OTOGL: variants seen among roughly 807,000 people sequenced by gnomAD.
OTOGL encodes the protein otogelin-like protein.
OTOGL carries 285 observed loss-of-function variants against 318.5 expected under a neutral mutation model. The ratio of observed to expected loss-of-function variants is 0.89; its 90% CI spans 0.81 to 0.99. The LOEUF (loss-of-function observed/expected upper bound fraction) is 0.99, where lower values mean the gene tolerates loss of function less well. Among genes scored for constraint, OTOGL ranks in the 50% least tolerant of loss-of-function variants. OTOGL has a pLI of 0.00. For missense variants in OTOGL, 2,899 were observed against 2,845.6 expected (o/e 1.02, Z -0.43); for synonymous variants, 987 against 936.5 (o/e 1.05, Z -0.99).
At chr12:80,342,377 T>G (rs916971420) in intron 44 of OTOGL, among the ~76,000 whole-genome samples, 2 of 152,164 alleles carry the variant, frequency 1.3e-5, no homozygotes, top group African/African-American at 2.4e-5. Context: ...TCGTTAGAAT[T>G]ATATCTACAG....
intron 1 of OTOGL, among the ~76,000 whole-genome samples, chr12:80,191,298 C>T (rs905881634): frequency 3.9e-5 from 6 of 152,002 alleles, no homozygotes; most frequent in East Asian, 1.9e-4. Flanking sequence ...ATTAGCCAGG[C>T]GCGGGGGTGG....
intron 26 of OTOGL, among the ~76,000 whole-genome samples, chr12:80,282,633 T>A (rs1335186345): frequency 6.6e-6 from 1 of 151,902 alleles, no homozygotes; most frequent in Admixed American, 6.6e-5. Flanking sequence ...CAAGCCTGTT[T>A]TAGCAAACAA....
At chr12:80,211,928 G>A (rs774682136) in intron 3 of OTOGL, 21 bp from the exon 4 acceptor site, 2 of 1,548,886 alleles carry the variant, frequency 1.3e-6, no homozygotes, top group South Asian at 1.2e-5. Context: ...GACTGTACAA[G>A]TTCTTTTTGT....
intron 1 of OTOGL, among the ~76,000 whole-genome samples, chr12:80,204,206 G>A (rs1445432119): frequency 1.3e-5 from 2 of 152,128 alleles, no homozygotes; most frequent in African/African-American, 2.4e-5. Context: ...TCTAAGTTAT[G>A]TTTTCATACT....
chr12:80,198,414 A>G (rs541107621), intron 1 of OTOGL, among the ~76,000 whole-genome samples: 35 of 152,156 alleles, frequency 2.3e-4, no homozygotes, highest in African/African-American at 8.4e-4. Context: ...GTGAAACCCC[A>G]TCTCTAATAA....
intron 26 of OTOGL, among the ~76,000 whole-genome samples, chr12:80,292,296 T>G (rs1424607363): frequency 1.3e-5 from 2 of 152,206 alleles, no homozygotes; most frequent in Non-Finnish European, 2.9e-5. Flanking sequence ...CAGAAATGTT[T>G]TCTTGACTTT....
chr12:80,175,007 A>G (rs1466230262), intron 1 of OTOGL, among the ~76,000 whole-genome samples: 1 of 152,208 alleles, frequency 6.6e-6, no homozygotes, highest in Non-Finnish European at 1.5e-5. Flanking sequence ...GTGTTTGCCA[A>G]TCTGAGAGGC....
chr12:80,222,159 G>A lies in OTOGL; in HGVS notation c.403G>A (p.Asp135Asn), dbSNP rs200262168. ...GGGACAGTATCATTTTGAAACATTC[G>A]ATGGCATCTACTATTACTTCCCAGG... Reference protein sequence around the residue: ...TWGQYHFETFDGIYYYFPGNC... With the variant: ...TWGQYHFETFNGIYYYFPGNC... Residue 135 changes from aspartate (D) to asparagine (N), a missense_variant, in exon 7 of 59, where the codon GAT becomes AAT. Around this residue, in one of 3 missense-constraint regions of OTOGL, gnomAD observed 2,607 missense variants for 2,524.9 expected, o/e 1.03. Transcript: ENST00000547103. 42 of 1,597,734 alleles carry A rather than the reference G, an allele frequency of 2.6e-5. No homozygotes were observed. The highest frequency in any genetic ancestry group is 3.2e-5 in the Non-Finnish European group (38 of 1,178,328).
At chr12:80,213,512 C>T (rs12308604) in intron 4 of OTOGL, among the ~76,000 whole-genome samples, 99 of 152,308 alleles carry the variant, frequency 6.5e-4, no homozygotes, top group African/African-American at 2.2e-3. Flanking sequence ...TACCCAGCCC[C>T]TATTCAAGGT....
At chr12:80,213,868 C>T (rs1877470787) in intron 4 of OTOGL, among the ~76,000 whole-genome samples, 1 of 152,212 alleles carries the variant, frequency 6.6e-6, no homozygotes, top group East Asian at 1.9e-4. Flanking sequence ...CAAGGCCATT[C>T]TTATCCATAC....
intron 50 of OTOGL, 43 bp downstream of exon 50, chr12:80,358,392 A>G (rs1245689650): frequency 6.3e-6 from 9 of 1,437,794 alleles, no homozygotes; most frequent in African/African-American, 1.4e-5. Flanking sequence ...GATGTGTCCA[A>G]TGTTTAAGAA....
At chr12:80,308,521 G>A (rs1412565783) in intron 29 of OTOGL, among the ~76,000 whole-genome samples, 3 of 151,512 alleles carry the variant, frequency 2.0e-5, no homozygotes, top group Admixed American at 1.3e-4. Flanking sequence ...CATCCCAGAC[G>A]ATGGGCGGCC....
intron 33 of OTOGL, among the ~76,000 whole-genome samples, chr12:80,320,100 G>A (rs1887224095): frequency 6.6e-6 from 1 of 151,578 alleles, no homozygotes; most frequent in Admixed American, 6.6e-5. Flanking sequence ...TCAATTTCTT[G>A]TATGAAATTG....
intron 1 of OTOGL, among the ~76,000 whole-genome samples, chr12:80,193,483 T>TC (rs1352406759): frequency 1.3e-5 from 2 of 152,124 alleles, no homozygotes; most frequent in African/African-American, 4.8e-5. Context: ...GCCACTGCAC[T>TC]CCACCCTGGG....
intron 1 of OTOGL, among the ~76,000 whole-genome samples, chr12:80,110,055 T>C (rs1869734831): frequency 6.7e-6 from 1 of 148,460 alleles, no homozygotes; most frequent in African/African-American, 2.5e-5. Flanking sequence ...ATTAGTTTTT[T>C]TTTCTTTCTT....
At chr12:80,269,531 A>G (rs539156680) in intron 22 of OTOGL, among the ~76,000 whole-genome samples, 6 of 152,250 alleles carry the variant, frequency 3.9e-5, no homozygotes, top group African/African-American at 1.4e-4. Flanking sequence ...CTCTTTTGGC[A>G]TTCTCACAGC....
intron 11 of OTOGL, among the ~76,000 whole-genome samples, chr12:80,243,938 T>C (rs986666069): frequency 6.7e-6 from 1 of 150,222 alleles, no homozygotes; most frequent in Admixed American, 6.6e-5. Flanking sequence ...CCGGTTTACA[T>C]TTCCTTTAGT....
intron 4 of OTOGL, 129 bp from the exon 5 acceptor site, chr12:80,217,469 C>T (rs561590838): frequency 1.4e-6 from 1 of 689,730 alleles, no homozygotes; most frequent in South Asian, 1.9e-5. Context: ...CCTCAATAAC[C>T]CCAGAAAATA....
chr12:80,236,785 G>GTTTTTGTTTT (rs200139670), intron 9 of OTOGL, among the ~76,000 whole-genome samples: 1 of 146,304 alleles, frequency 6.8e-6, no homozygotes, highest in African/African-American at 2.5e-5. Flanking sequence ...TTTCGTTTTT[G>GTTTTTGTTTT]TTTTTGTTTT....
Sources: gnomAD v4.1 joint callset for allele counts (sites outside exome capture counted in the v4.1 genomes callset) on GRCh38, gnomAD v4.1.1 for gene constraint, gnomAD v4.1.1 regional missense constraint, MANE v1.5 for transcripts, NCBI Gene and HGNC (gene_info 2026-07-23, HGNC 2026-07-21) for gene names.